The following SLC8A1 variants were observed in gnomAD, a reference collection of about 807,000 sequenced individuals.
The protein encoded by SLC8A1 is sodium/calcium exchanger 1.
SLC8A1 carries 18 observed loss-of-function variants against 68.3 expected under a neutral mutation model. The ratio of observed to expected loss-of-function variants is 0.26; its 90% CI spans 0.18 to 0.39. The LOEUF (loss-of-function observed/expected upper bound fraction) is 0.39, where lower values mean the gene tolerates loss of function less well. SLC8A1 is among the 10% of genes least tolerant of loss of function. SLC8A1 has a pLI of 1.00. For synonymous variants in SLC8A1, 475 were observed against 415.5 expected, an observed-to-expected ratio of 1.14 and a Z score of -1.74; for missense variants, 985 against 1,156.7, an observed-to-expected ratio of 0.85 and a Z score of 2.15.
chr2:40,154,446 G>A (rs990360542), intron 6 of SLC8A1, among the ~76,000 whole-genome samples: 1 of 148,972 alleles, frequency 6.7e-6, no homozygotes, highest in African/African-American at 2.5e-5. Context: ...TGGGATTACA[G>A]GCACCTGCCA....
At chr2:40,126,137 A>C (rs6544311) in intron 7 of SLC8A1, among the ~76,000 whole-genome samples, 87,033 of 151,962 alleles carry the variant, frequency 0.57, 25,461 homozygotes, top group Middle Eastern at 0.71. Flanking sequence ...TGCTGCCAGT[A>C]CATTTCCAGG....
intron 2 of SLC8A1, among the ~76,000 whole-genome samples, chr2:40,375,721 G>A (rs189314905): frequency 1.3e-5 from 2 of 152,198 alleles, no homozygotes; most frequent in Admixed American, 1.3e-4. Flanking sequence ...TATATGCTTA[G>A]GCTGGGAGTG....
intron 2 of SLC8A1, among the ~76,000 whole-genome samples, chr2:40,284,109 G>A (rs982408681): frequency 2.0e-5 from 3 of 151,926 alleles, no homozygotes; most frequent in African/African-American, 7.3e-5. Flanking sequence ...ATAAAGTCTT[G>A]CACACGAATT....
chr2:40,365,789 C>T (rs1019603962), intron 2 of SLC8A1, among the ~76,000 whole-genome samples: 3 of 151,838 alleles, frequency 2.0e-5, no homozygotes, highest in African/African-American at 7.3e-5. Flanking sequence ...TTGCTTGAGG[C>T]CAGGAGTTCA....
intron 2 of SLC8A1, among the ~76,000 whole-genome samples, chr2:40,422,591 G>A (rs1328539908): frequency 6.6e-6 from 1 of 152,112 alleles, no homozygotes; most frequent in East Asian, 1.9e-4. Context: ...TTTACAAGAT[G>A]GTGACAGAGC....
At chr2:40,323,736 A>G (rs902790199) in intron 2 of SLC8A1, among the ~76,000 whole-genome samples, 2 of 152,110 alleles carry the variant, frequency 1.3e-5, no homozygotes, top group African/African-American at 2.4e-5. Context: ...ACGGCTTCCG[A>G]GAGTGTTTAA....
chr2:40,183,492 G>T (rs535024908), intron 2 of SLC8A1, among the ~76,000 whole-genome samples: 7 of 152,326 alleles, frequency 4.6e-5, no homozygotes, highest in Admixed American at 4.6e-4. Context: ...AGCATGCAAT[G>T]GCTCACCAAC....
chr2:40,339,150 C>T (rs1217539208), intron 2 of SLC8A1, among the ~76,000 whole-genome samples: 1 of 152,078 alleles, frequency 6.6e-6, no homozygotes, highest in Non-Finnish European at 1.5e-5. Context: ...GGCTTCTTCT[C>T]TCATGTTTCT....
chr2:40,313,888 T>C (rs2074081525), intron 2 of SLC8A1, among the ~76,000 whole-genome samples: 1 of 152,096 alleles, frequency 6.6e-6, no homozygotes, highest in Non-Finnish European at 1.5e-5. Flanking sequence ...GTTTTCTTAA[T>C]TGTTAAATTT....
intron 1 of SLC8A1, among the ~76,000 whole-genome samples, chr2:40,461,761 G>A (rs1429521106): frequency 6.6e-6 from 1 of 151,926 alleles, no homozygotes; most frequent in Non-Finnish European, 1.5e-5. Context: ...TTTGTTAAAG[G>A]CAGTCTTATT....
At chr2:40,339,611 T>C (rs1667069039) in intron 2 of SLC8A1, among the ~76,000 whole-genome samples, 2 of 152,214 alleles carry the variant, frequency 1.3e-5, no homozygotes, top group African/African-American at 2.4e-5. Flanking sequence ...TATTAACTAA[T>C]ATAGGTTATG....
At chr2:40,433,399 C>A (rs776815626) in intron 1 of SLC8A1, among the ~76,000 whole-genome samples, 1 of 152,172 alleles carries the variant, frequency 6.6e-6, no homozygotes, top group Non-Finnish European at 1.5e-5. Flanking sequence ...GAGCTGAACA[C>A]CAAATTATAA....
At position 40,221,802 on chromosome 2, in the gene SLC8A1, A is replaced by C. The variant is rs887071409; in HGVS notation, c.1809-43947T>G. Among the ~76,000 whole-genome samples the C allele has an allele frequency of 6.0e-4, 91 of 152,224 alleles. 1 individual carries two copies. The highest frequency in any genetic ancestry group is 7.8e-4 in the Non-Finnish European group (53 of 67,990). On this transcript the variant is annotated intron_variant, in intron 2 of 7. Transcript: ENST00000406785. ...GCTACAAAGAGAATAAAATACCTAG[A>C]AATACAGCTTACAAGGGATGTGAAG... is the stretch of plus-strand genomic sequence containing the variant.
intron 2 of SLC8A1, among the ~76,000 whole-genome samples, chr2:40,231,246 A>C (rs1475150028): frequency 1.3e-5 from 2 of 152,216 alleles, no homozygotes; most frequent in Non-Finnish European, 2.9e-5. Context: ...ATGGAGTTAA[A>C]TTCTGAAGAG....
At chr2:40,379,240 G>A (rs1163746308) in intron 2 of SLC8A1, among the ~76,000 whole-genome samples, 1 of 152,086 alleles carries the variant, frequency 6.6e-6, no homozygotes, top group Non-Finnish European at 1.5e-5. Context: ...TTAATCATTT[G>A]AATCTCTAAG....
chr2:40,381,672 G>A (rs1474918189), intron 2 of SLC8A1, among the ~76,000 whole-genome samples: 1 of 151,680 alleles, frequency 6.6e-6, no homozygotes, highest in Non-Finnish European at 1.5e-5. Context: ...AATAAACATA[G>A]AAGTTGACTC....
In SLC8A1 at chr2:40,180,776, A is replaced by T. The variant is rs780736539; in HGVS notation, c.1809-2921T>A. 7.2e-5 allele frequency among the ~76,000 whole-genome samples: 11 copies of T among 152,288 alleles called. No individual in the cohort carries two copies. The East Asian group carries it at 1.2e-3, about 16-fold the overall frequency. On this transcript the variant is annotated intron_variant, in intron 2 of 7. Transcript: ENST00000406785. ...CATCACATATTTTATTGGATTATAG[A>T]AGTAAAGCACAGTGGGGATGGTAGA...
intron 1 of SLC8A1, chr2:40,446,345 A>G (rs1701440241): frequency 6.6e-6 from 1 of 152,196 alleles, no homozygotes; most frequent in African/African-American, 2.4e-5. Flanking sequence ...TTTCTGTGGC[A>G]TGGTCCTGAC....
At chr2:40,217,902 A>T (rs2057737142) in intron 2 of SLC8A1, among the ~76,000 whole-genome samples, 1 of 150,992 alleles carries the variant, frequency 6.6e-6, no homozygotes. Flanking sequence ...CTTCTCTTAG[A>T]TTTGATCTGG....
Sources: gnomAD v4.1 joint callset for allele counts (sites outside exome capture counted in the v4.1 genomes callset) on GRCh38, gnomAD v4.1.1 for gene constraint, MANE v1.5 for transcripts, NCBI Gene and HGNC (gene_info 2026-07-23, HGNC 2026-07-21) for gene names.